CCDC141: variants seen among roughly 807,000 people sequenced by gnomAD.
CCDC141 encodes the protein coiled-coil domain containing 141, also known as coiled-coil domain-containing protein 141.
CCDC141 carries 168 observed loss-of-function variants against 181.0 expected under a neutral mutation model. The ratio of observed to expected loss-of-function variants is 0.93; its 90% CI spans 0.82 to 1.05. The LOEUF (loss-of-function observed/expected upper bound fraction) is 1.05. CCDC141 is among the 50% of genes least tolerant of loss of function. The pLI is 0.00. For missense variants in CCDC141, 1,902 were observed against 1,788.5 expected, an observed-to-expected ratio of 1.06 and a Z score of -1.14; for synonymous variants, 666 against 642.3, an observed-to-expected ratio of 1.04 and a Z score of -0.56.
chr2:178,884,422 T>C (rs1303742216), intron 11 of CCDC141, among the ~76,000 whole-genome samples: 1 of 152,202 alleles, frequency 6.6e-6, no homozygotes, highest in Non-Finnish European at 1.5e-5. Context: ...TACTTTATCT[T>C]ATGTAAAATA....
intron 2 of CCDC141, among the ~76,000 whole-genome samples, chr2:178,999,276 C>T (rs1692417311): frequency 6.6e-6 from 1 of 152,152 alleles, no homozygotes; most frequent in Admixed American, 6.5e-5. Context: ...CTCTCCTGTG[C>T]ATCTCCTCCA....
At chr2:178,919,328 C>A (rs530266651) in intron 6 of CCDC141, among the ~76,000 whole-genome samples, 3 of 152,028 alleles carry the variant, frequency 2.0e-5, no homozygotes, top group South Asian at 2.1e-4. Flanking sequence ...CTGAGTATAT[C>A]AAAAATCTGC....
In CCDC141 at chr2:179,015,282, C is replaced by A. The variant is rs200664221; in HGVS notation, c.225+32002G>T. ...TATATATCATATATATCTCATCTAT[C>A]TCTCATATATCTCATATATGTATCA... On this transcript the variant is annotated intron_variant, in intron 2 of 23. Coordinates refer to ENST00000443758, the MANE Select transcript of CCDC141 (RefSeq NM_173648.4). 9.8e-3 allele frequency among the ~76,000 whole-genome samples: 197 copies of A among 20,030 alleles called. 6 individuals are homozygous for A. Among genetic ancestry groups the A allele is most frequent in the African/African-American group, 0.015 (174 of 11,330 alleles). 13.1% of individuals were successfully genotyped at this position (20,030 alleles called of 152,430 possible). A position where few individuals can be genotyped will look rare whatever the true frequency, so the allele number is the denominator to read the frequency against.
At chr2:178,992,546 A>T (rs1437368982) in intron 2 of CCDC141, among the ~76,000 whole-genome samples, 1 of 152,120 alleles carries the variant, frequency 6.6e-6, no homozygotes, top group South Asian at 2.1e-4. Flanking sequence ...TTCTCTCTGT[A>T]AGAGGACTGT....
At chr2:178,859,761 C>G (rs1225977876) in intron 17 of CCDC141, among the ~76,000 whole-genome samples, 1 of 152,068 alleles carries the variant, frequency 6.6e-6, no homozygotes, top group Admixed American at 6.6e-5. Context: ...TTGAAATTAG[C>G]AGAATGAGCA....
intron 2 of CCDC141, among the ~76,000 whole-genome samples, chr2:179,043,139 C>G (rs530188595): frequency 1.9e-3 from 287 of 152,186 alleles, no homozygotes; most frequent in Non-Finnish European, 3.2e-3. Context: ...GAATAAATTC[C>G]TGGACACATG....
At chr2:178,819,938 C>T in the CCDC141 span, among the ~76,000 whole-genome samples, 8 of 152,082 alleles carry the variant, frequency 5.3e-5, no homozygotes, top group Admixed American at 4.6e-4. Flanking sequence ...TCAGTGTACA[C>T]ACAAGTTGAA....
chr2:178,853,493 C>A lies in CCDC141; in HGVS notation c.3192G>T (p.Pro1064=). The part of the protein sequence containing the change: ...QFNKFIAPSV[P]QQEERIQEAT... Reference sequence around the variant, plus strand: ...CCTCCTGAATCCTTTCTTCTTGCTGCGGCACTGAGGGTGCAATAAACTTAT... The same window carrying A: ...CCTCCTGAATCCTTTCTTCTTGCTGAGGCACTGAGGGTGCAATAAACTTAT... The change falls in exon 20 of 24, where the codon CCG becomes CCT. Residue 1064 remains proline (P), a synonymous_variant. Coordinates refer to ENST00000443758, the MANE Select transcript of CCDC141 (RefSeq NM_173648.4). 1.9e-6 allele frequency: 3 copies of A among 1,614,080 alleles called. No homozygotes were observed. Among genetic ancestry groups the A allele is most frequent in the Non-Finnish European group, 2.5e-6 (3 of 1,179,962 alleles).
chr2:178,937,896 C>T (rs893960837), intron 6 of CCDC141, among the ~76,000 whole-genome samples: 1 of 151,954 alleles, frequency 6.6e-6, no homozygotes. Context: ...TCTATGGGGT[C>T]AGTGGTAACA....
At chr2:178,858,294 G>A (rs1043933051) in intron 17 of CCDC141, among the ~76,000 whole-genome samples, 1 of 152,002 alleles carries the variant, frequency 6.6e-6, no homozygotes. Context: ...ACATTCTACG[G>A]CACTCAATGT....
chr2:178,829,471 C>G (rs1013403695), downstream of CCDC141, among the ~76,000 whole-genome samples: 1 of 152,190 alleles, frequency 6.6e-6, no homozygotes, highest in South Asian at 2.1e-4. Context: ...TATACAAACT[C>G]TCACCATCAA....
intron 2 of CCDC141, among the ~76,000 whole-genome samples, chr2:179,045,521 G>A (rs190137598): frequency 2.0e-5 from 3 of 152,084 alleles, no homozygotes; most frequent in African/African-American, 2.4e-5. Context: ...CTTTGGGTAT[G>A]TACCCAGTAA....
chr2:178,867,097 G>A (rs949976282), intron 16 of CCDC141, among the ~76,000 whole-genome samples: 4 of 152,166 alleles, frequency 2.6e-5, no homozygotes, highest in Admixed American at 6.5e-5. Context: ...CCTCTCTTTT[G>A]AAGTCCGACA....
chr2:178,892,595 G>A (rs1385121922), intron 8 of CCDC141, among the ~76,000 whole-genome samples: 3 of 152,034 alleles, frequency 2.0e-5, no homozygotes, highest in Admixed American at 6.6e-5. Flanking sequence ...CGATGATACC[G>A]GACTTTCCTT....
At chr2:178,841,877 C>A (rs1267288297) in intron 22 of CCDC141, among the ~76,000 whole-genome samples, 1 of 152,222 alleles carries the variant, frequency 6.6e-6, no homozygotes, top group Non-Finnish European at 1.5e-5. Flanking sequence ...AGGCGATCTA[C>A]CCGCCTTGGC....
the CCDC141 span, among the ~76,000 whole-genome samples, chr2:178,816,388 T>A: frequency 6.6e-6 from 1 of 152,220 alleles, no homozygotes; most frequent in African/African-American, 2.4e-5. Flanking sequence ...GTACTTCTTA[T>A]TGCCTAAGAT....
chr2:179,013,102 G>C lies in CCDC141; in HGVS notation c.225+34182C>G, dbSNP rs1049856554. On this transcript the variant is annotated intron_variant, in intron 2 of 23. Transcript: ENST00000443758. The stretch of plus-strand genomic sequence containing the variant: ...ACCACTCCTCTTCAATATAGTACTG[G>C]AAGTCCTAGCCAGAGCAATCAGACA... 4.6e-5 allele frequency among the ~76,000 whole-genome samples: 7 copies of C among 152,186 alleles called. No homozygotes were observed. In the East Asian group the frequency reaches 1.2e-3, roughly 25 times the overall value.
intron 4 of CCDC141, among the ~76,000 whole-genome samples, chr2:178,964,804 T>A (rs7574599): frequency 0.51 from 77,027 of 152,106 alleles, 20,665 homozygotes; most frequent in East Asian, 0.84. Flanking sequence ...TTCAAGAACA[T>A]CTTTACAGTC....
chr2:178,817,402 G>T, the CCDC141 span: 1 of 436,882 alleles, frequency 2.3e-6, no homozygotes. Flanking sequence ...TGTTGGTTTA[G>T]GACAGAAGTA....
Sources: allele counts gnomAD v4.1 joint callset (sites outside exome capture counted in the v4.1 genomes callset), GRCh38; gene constraint gnomAD v4.1.1; transcripts MANE v1.5; gene names NCBI Gene and HGNC (gene_info 2026-07-23, HGNC 2026-07-21).